The following PRKD3 variants were observed in gnomAD, a reference collection of about 807,000 sequenced individuals.
PRKD3 encodes the protein protein kinase D3, also known as serine/threonine-protein kinase D3.
A neutral mutation model predicts 99.2 loss-of-function variants in PRKD3; 47 were observed. The observed-to-expected ratio is 0.47, with a 90% CI of 0.38 to 0.60. The LOEUF (loss-of-function observed/expected upper bound fraction) is 0.60. Ranked by LOEUF, PRKD3 falls within the 20% of genes least tolerant of loss-of-function variation. PRKD3 has a pLI of 0.00. For synonymous variants in PRKD3, 392 were observed against 355.4 expected, an observed-to-expected ratio of 1.10 and a Z score of -1.16; for missense variants, 1,019 against 1,088.4, an observed-to-expected ratio of 0.94 and a Z score of 0.90.
At chr2:37,256,519 A>C in intron 17 of PRKD3, 143 bp downstream of exon 17, 24 of 1,067,150 alleles carry the variant, frequency 2.2e-5, no homozygotes, top group Non-Finnish European at 2.8e-5. Context: ...AAAAACTGGT[A>C]ACTAGTTGAA....
In PRKD3 at chr2:37,253,225, C is replaced by CT; in HGVS notation, c.2624dup (p.His876AlafsTer7). 1 of 1,612,534 alleles carries CT rather than the reference C, an allele frequency of 6.2e-7. No individual in the cohort carries two copies. Among genetic ancestry groups the CT allele is most frequent in the Non-Finnish European group, 8.5e-7 (1 of 1,178,998 alleles). On this transcript the variant is annotated frameshift_variant, in exon 19 of 19. Transcript: ENST00000234179. LOFTEE classifies it high-confidence loss of function. ...CTGGATTAGGAGCCATAATGAAGTG[C>CT]TTTGGGTATACAAGGTTATGTGTGT...
chr2:37,285,162 T>C (rs1326272074), intron 6 of PRKD3, among the ~76,000 whole-genome samples: 1 of 152,226 alleles, frequency 6.6e-6, no homozygotes, highest in Non-Finnish European at 1.5e-5. Context: ...AGACTACTTA[T>C]ATCCTATCCT....
At chr2:37,289,311 A>G (rs973794816) in intron 5 of PRKD3, 45 bp downstream of exon 5, 12 of 1,591,302 alleles carry the variant, frequency 7.5e-6, no homozygotes, top group Admixed American at 3.5e-5. Context: ...GTAGAAACAC[A>G]GAGAATAACT....
chr2:37,323,654 C>A (rs1371460395), intron 1 of PRKD3, among the ~76,000 whole-genome samples: 1 of 151,836 alleles, frequency 6.6e-6, no homozygotes, highest in African/African-American at 2.4e-5. Context: ...AATGTAAGAA[C>A]GACGACATTA....
intron 2 of PRKD3, among the ~76,000 whole-genome samples, chr2:37,302,956 G>T (rs1029212108): frequency 6.6e-6 from 1 of 152,248 alleles, no homozygotes; most frequent in East Asian, 1.9e-4. Context: ...GCTCTCTCCT[G>T]ATTGGTTCTT....
At chr2:37,306,084 T>A (rs1430257621) in intron 2 of PRKD3, among the ~76,000 whole-genome samples, 2 of 148,816 alleles carry the variant, frequency 1.3e-5, no homozygotes, top group African/African-American at 2.5e-5. Context: ...TTTTTTTTTT[T>A]AAACATACTA....
chr2:37,295,782 C>A (rs190844893), intron 2 of PRKD3, among the ~76,000 whole-genome samples: 2 of 151,932 alleles, frequency 1.3e-5, no homozygotes. Flanking sequence ...AAAAGGGAGA[C>A]GAGACATAAG....
At chr2:37,291,042 T>G (rs1164278736) in intron 3 of PRKD3, 43 bp from the exon 4 acceptor site, 1 of 1,527,334 alleles carries the variant, frequency 6.5e-7, no homozygotes, top group African/African-American at 1.4e-5. Context: ...GTATTTGTAC[T>G]GCGATGAGAT....
At chr2:37,258,591 T>C (rs1668163071) in intron 16 of PRKD3, among the ~76,000 whole-genome samples, 2 of 152,292 alleles carry the variant, frequency 1.3e-5, no homozygotes, top group Non-Finnish European at 2.9e-5. Flanking sequence ...TGTGCATCTT[T>C]TGTCTACTAT....
intron 14 of PRKD3, among the ~76,000 whole-genome samples, chr2:37,262,738 C>T (rs1411924560): frequency 6.6e-6 from 1 of 152,136 alleles, no homozygotes; most frequent in Non-Finnish European, 1.5e-5. Flanking sequence ...TATGCTGTAA[C>T]ATTATTTTTC....
chr2:37,311,567 G>C (rs1671426351), intron 2 of PRKD3, among the ~76,000 whole-genome samples: 1 of 152,104 alleles, frequency 6.6e-6, no homozygotes, highest in Non-Finnish European at 1.5e-5. Context: ...TGCCACCAGG[G>C]AGACTGAAAA....
At chr2:37,269,548 CA>C in intron 13 of PRKD3, 66 bp downstream of exon 13, 1 of 1,369,978 alleles carries the variant, frequency 7.3e-7, no homozygotes, top group Non-Finnish European at 1.0e-6. Flanking sequence ...AAACAGCTGG[CA>C]GATGTTTTAC....
rs758073074 is a variant in PRKD3 at position 37,256,666 on chromosome 2, A to G, written c.2409T>C (p.Gly803=). 1.6e-6 allele frequency: 2 copies of G among 1,268,026 alleles called. No homozygotes were observed. The highest frequency in any genetic ancestry group is 2.1e-6 in the Non-Finnish European group (2 of 955,398). 78.5% of individuals were successfully genotyped at this position (1,268,026 alleles called of 1,614,324 possible). A position where few individuals can be genotyped will look rare whatever the true frequency, so the allele number is the denominator to read the frequency against. The change falls in exon 17 of 19, where the codon GGT becomes GGC. Residue 803 remains glycine (G), a synonymous_variant. Coordinates refer to ENST00000234179, the MANE Select transcript of PRKD3 (RefSeq NM_005813.6). ...YPPNPWREIS[G]EAIDLINNLL... Reference sequence around the variant, plus strand: ...TTTTTTTTTTTTTTTTTTTACCTTCACCAGAAATTTCTCTCCATGGATTTG... The same window carrying G: ...TTTTTTTTTTTTTTTTTTTACCTTCGCCAGAAATTTCTCTCCATGGATTTG...
intron 2 of PRKD3, among the ~76,000 whole-genome samples, chr2:37,294,345 G>A (rs755948713): frequency 2.6e-5 from 4 of 151,944 alleles, no homozygotes; most frequent in South Asian, 2.1e-4. Flanking sequence ...ATTCCCCCAC[G>A]TCAGCCTCCC....
At chr2:37,319,750 C>A (rs1572710447) in intron 1 of PRKD3, among the ~76,000 whole-genome samples, 1 of 127,576 alleles carries the variant, frequency 7.8e-6, no homozygotes, top group African/African-American at 2.9e-5. Flanking sequence ...TAGAGCCATA[C>A]TGATTTAAAA....
intron 9 of PRKD3, among the ~76,000 whole-genome samples, chr2:37,277,178 TTGAG>T (rs1199977671): frequency 6.6e-6 from 1 of 152,182 alleles, no homozygotes; most frequent in Non-Finnish European, 1.5e-5. Flanking sequence ...CTAACATTTA[TTGAG>T]TGTTTCTGTA....
At chr2:37,255,756 A>T (rs983345642) in intron 17 of PRKD3, among the ~76,000 whole-genome samples, 2 of 152,234 alleles carry the variant, frequency 1.3e-5, no homozygotes, top group Non-Finnish European at 2.9e-5. Flanking sequence ...CTGTAATCCC[A>T]GCACTTTGGG....
At chr2:37,318,085 T>G (rs1671738975) in intron 1 of PRKD3, among the ~76,000 whole-genome samples, 1 of 151,944 alleles carries the variant, frequency 6.6e-6, no homozygotes, top group Non-Finnish European at 1.5e-5. Context: ...ATAATTCCAA[T>G]GAAGAGAAAG....
rs928167088 is a variant in PRKD3, at chr2:37,315,400, A to C, written c.288+837T>G. On this transcript the variant is annotated intron_variant, in intron 2 of 18. Transcript: ENST00000234179. The stretch of plus-strand genomic sequence containing the variant: ...TCGTATATTCAAAATTAATTTACCT[A>C]TTTTTTAAAAGACAGAAAGCATGGT... Among the ~76,000 whole-genome samples the C allele has an allele frequency of 3.3e-5, 5 of 152,282 alleles. No individual in the cohort carries two copies. The South Asian group carries it at 1.0e-3, about 32-fold the overall frequency.
Sources: gnomAD v4.1 joint callset for allele counts (sites outside exome capture counted in the v4.1 genomes callset) on GRCh38, gnomAD v4.1.1 for gene constraint, MANE v1.5 for transcripts, NCBI Gene and HGNC (gene_info 2026-07-23, HGNC 2026-07-21) for gene names.